MTMR12: variants seen among roughly 807,000 people sequenced by gnomAD.
The protein encoded by MTMR12 is myotubularin-related protein 12.
A neutral mutation model predicts 96.7 loss-of-function variants in MTMR12; 33 were observed. That is an observed-to-expected ratio of 0.34 (90% CI 0.26 to 0.46). MTMR12 has a LOEUF of 0.46. Ranked by LOEUF, MTMR12 falls within the 20% of genes least tolerant of loss-of-function variation. The pLI is 1.00. For synonymous variants in MTMR12, 298 were observed against 327.2 expected (o/e 0.91, Z 0.96); for missense variants, 721 against 896.1 (o/e 0.80, Z 2.49).
At chr5:32,268,142 C>T (rs1749680472) in intron 6 of MTMR12, among the ~76,000 whole-genome samples, 1 of 152,056 alleles carries the variant, frequency 6.6e-6, no homozygotes, top group Non-Finnish European at 1.5e-5. Context: ...TTGATCTTAT[C>T]TTTCATAAAA....
At chr5:32,236,335 C>A (rs1748228008) in intron 13 of MTMR12, among the ~76,000 whole-genome samples, 1 of 152,064 alleles carries the variant, frequency 6.6e-6, no homozygotes, top group African/African-American at 2.4e-5. Flanking sequence ...ATCGCCTGAG[C>A]CCGGGAGTTT....
At position 32,255,746 on chromosome 5, in the gene MTMR12, G is replaced by A; in HGVS notation, c.736C>T (p.Pro246Ser). 1 of 1,612,152 alleles carries A rather than the reference G, an allele frequency of 6.2e-7. No homozygotes were observed. Among genetic ancestry groups the A allele is most frequent in the Non-Finnish European group, 8.5e-7 (1 of 1,179,228 alleles). ...CERLPAYFVV[P>S]TPLPEENVQR... ...ACATTCTCTTCAGGAAGAGGGGTGG[G>A]GACAACAAAGTATGCTGGCAATCTA... The change falls in exon 8 of 16, where the codon CCC becomes TCC. Residue 246 changes from proline to serine, a missense_variant. Transcript: ENST00000382142.
intron 6 of MTMR12, among the ~76,000 whole-genome samples, chr5:32,265,551 T>C (rs76116959): frequency 6.6e-6 from 1 of 152,236 alleles, no homozygotes; most frequent in African/African-American, 2.4e-5. Flanking sequence ...CAAGTCATAT[T>C]TGTATATGTC....
chr5:32,230,784 G>A (rs1410495990), intron 15 of MTMR12, among the ~76,000 whole-genome samples: 2 of 152,232 alleles, frequency 1.3e-5, no homozygotes, highest in Admixed American at 6.5e-5. Context: ...CTTTAAGGCT[G>A]TTAACCACTA....
chr5:32,307,201 C>T (rs933130965), intron 1 of MTMR12, among the ~76,000 whole-genome samples: 5 of 151,910 alleles, frequency 3.3e-5, no homozygotes, highest in East Asian at 1.9e-4. Flanking sequence ...AAAATGTTTT[C>T]GCTTATCTGT....
chr5:32,249,690 AG>A (rs1360105357), intron 8 of MTMR12, among the ~76,000 whole-genome samples: 1 of 152,230 alleles, frequency 6.6e-6, no homozygotes, highest in Non-Finnish European at 1.5e-5. Flanking sequence ...GAGGCTGTTT[AG>A]GCTTTCTTCT....
intron 1 of MTMR12, among the ~76,000 whole-genome samples, chr5:32,302,063 G>A (rs1751171424): frequency 6.6e-6 from 1 of 152,114 alleles, no homozygotes; most frequent in Non-Finnish European, 1.5e-5. Flanking sequence ...GGCTTCCCTT[G>A]CCCCCACTTA....
At chr5:32,306,156 T>G (rs1361094339) in intron 1 of MTMR12, among the ~76,000 whole-genome samples, 1 of 152,136 alleles carries the variant, frequency 6.6e-6, no homozygotes, top group Admixed American at 6.5e-5. Flanking sequence ...TAATATTCCT[T>G]ACATTCATAA....
intron 5 of MTMR12, among the ~76,000 whole-genome samples, chr5:32,270,334 A>G (rs545334642): frequency 6.6e-6 from 1 of 152,344 alleles, no homozygotes; most frequent in African/African-American, 2.4e-5. Flanking sequence ...TTTAGTCTCT[A>G]AAAGCATGTC....
At chr5:32,240,021 C>T (rs1224408505) in intron 12 of MTMR12, among the ~76,000 whole-genome samples, 1 of 152,172 alleles carries the variant, frequency 6.6e-6, no homozygotes, top group Admixed American at 6.5e-5. Flanking sequence ...GTTTCCCTTT[C>T]ACAAAAATAG....
intron 3 of MTMR12, among the ~76,000 whole-genome samples, 172 bp downstream of exon 3, chr5:32,273,808 A>T (rs1177720803): frequency 6.6e-6 from 1 of 152,164 alleles, no homozygotes; most frequent in Admixed American, 6.5e-5. Context: ...CTATTTTACA[A>T]CTGTGCTATT....
At chr5:32,273,883 T>C (rs1376105697) in intron 3 of MTMR12, 97 bp downstream of exon 3, 31 of 1,523,256 alleles carry the variant, frequency 2.0e-5, no homozygotes, top group Admixed American at 1.8e-5. Flanking sequence ...TTTATGTGTG[T>C]TAGGGGGTAG....
intron 1 of MTMR12, among the ~76,000 whole-genome samples, chr5:32,306,632 T>C (rs961371953): frequency 6.6e-6 from 1 of 152,286 alleles, no homozygotes; most frequent in African/African-American, 2.4e-5. Context: ...AAATAAAACC[T>C]TTCCTGAGCT....
intron 14 of MTMR12, 111 bp from the exon 15 acceptor site, chr5:32,234,045 G>A: frequency 7.8e-7 from 1 of 1,279,164 alleles, no homozygotes; most frequent in Non-Finnish European, 1.1e-6. Context: ...CCCTGAGAAT[G>A]AATAATCATG....
At chr5:32,263,065 CT>C in intron 7 of MTMR12, 47 bp downstream of exon 7, 1 of 1,605,428 alleles carries the variant, frequency 6.2e-7, no homozygotes, top group Non-Finnish European at 8.5e-7. Flanking sequence ...ACACTGTACA[CT>C]TTTAATGGGT....
intron 12 of MTMR12, 145 bp from the exon 13 acceptor site, chr5:32,239,318 G>A (rs1241634717): frequency 4.9e-6 from 4 of 822,308 alleles, no homozygotes; most frequent in East Asian, 2.9e-5. Flanking sequence ...TTCCCTAAAG[G>A]CAAGGGCCAA....
chr5:32,252,967 C>T (rs1748998875), intron 8 of MTMR12, among the ~76,000 whole-genome samples: 1 of 152,226 alleles, frequency 6.6e-6, no homozygotes, highest in South Asian at 2.1e-4. Flanking sequence ...CTAGTTGTCA[C>T]ATTTTCTGTA....
chr5:32,312,269 G>A lies in MTMR12; in HGVS notation c.81+489C>T, dbSNP rs367609636. Among the ~76,000 whole-genome samples, 1 of 152,162 alleles carries A rather than the reference G, an allele frequency of 6.6e-6. No individual in the cohort carries two copies. The highest frequency in any genetic ancestry group is 1.5e-5 in the Non-Finnish European group (1 of 68,034). ...TCTCCCCGCAGCGCTGACGGGAGGC[G>A]GACGTAGGTGCAGGGCATCCCGCCA... On this transcript the variant is annotated intron_variant, in intron 1 of 15. Coordinates refer to ENST00000382142, the MANE Select transcript of MTMR12 (RefSeq NM_001040446.3). This position sits in a 1 kb window ranked among gnomAD's most constrained non-coding sequence, Gnocchi z 5.0.
In MTMR12 at chr5:32,297,102, A is replaced by T. The variant is rs986603996; in HGVS notation, c.81+15656T>A. Among the ~76,000 whole-genome samples the T allele has an allele frequency of 7.9e-5, 10 of 126,190 alleles. No homozygotes were observed. The East Asian group carries it at 1.5e-3, about 19-fold the overall frequency. 82.8% of individuals were successfully genotyped at this position (126,190 alleles called of 152,430 possible). A position where few individuals can be genotyped will look rare whatever the true frequency, so the allele number is the denominator to read the frequency against. The stretch of plus-strand genomic sequence containing the variant: ...TGGGTGACAGAGCGAGACTCCGTCT[A>T]AAAAAAAAAAAAAAAAGATATAATT... On this transcript the variant is annotated intron_variant, in intron 1 of 15. Coordinates refer to ENST00000382142, the MANE Select transcript of MTMR12 (RefSeq NM_001040446.3).
Sources: allele counts gnomAD v4.1 joint callset (sites outside exome capture counted in the v4.1 genomes callset), GRCh38; gene constraint gnomAD v4.1.1; non-coding constraint Gnocchi (gnomAD v3.1); transcripts MANE v1.5; gene names NCBI Gene and HGNC (gene_info 2026-07-23, HGNC 2026-07-21).